Variants in GRIA2 observed in about 807,000 individuals in gnomAD.
GRIA2 encodes the protein glutamate ionotropic receptor AMPA type subunit 2.
Under a neutral mutation model 97.3 loss-of-function variants are expected in GRIA2, and 14 were observed. That is an observed-to-expected ratio of 0.14 (90% CI 0.10 to 0.23). GRIA2 has a LOEUF of 0.23. GRIA2 is among the 10% of genes least tolerant of loss of function. The pLI is 1.00. For synonymous variants in GRIA2, 412 were observed against 387.8 expected (o/e 1.06, Z -0.73); for missense variants, 558 against 1,069.8 (o/e 0.52, Z 6.67).
In GRIA2 at chr4:157,341,207, G is replaced by C. The variant is rs1735531702; in HGVS notation, c.1845-57G>C. 14 of 1,174,726 alleles carry C rather than the reference G, an allele frequency of 1.2e-5. No individual in the cohort carries two copies. In the South Asian group the frequency reaches 1.7e-4, roughly 14 times the overall value. The allele number at this position is 1,174,726 out of a possible 1,614,324, so 72.8% of individuals were successfully genotyped here. ...AATATTTGCATAATACTGCTAACTT[G>C]TTTTTTTATTAGGTCATTCATTTCA... On this transcript the variant is annotated intron_variant, in intron 11 of 15. Transcript: ENST00000264426.
chr4:157,273,314 T>C (rs1230609516), intron 2 of GRIA2, among the ~76,000 whole-genome samples: 1 of 152,018 alleles, frequency 6.6e-6, no homozygotes, highest in Non-Finnish European at 1.5e-5. Context: ...TGGTTCCTTT[T>C]ACCCAGTACA....
rs377507657 is a variant in GRIA2 at position 157,313,711 on chromosome 4, ATG to A, written c.666+855_666+856del. Among the ~76,000 whole-genome samples the A allele has an allele frequency of 3.6e-3, 534 of 149,600 alleles. 2 individuals carry two copies. Among genetic ancestry groups the A allele is most frequent in the Non-Finnish European group, 5.3e-3 (354 of 67,112 alleles). On this transcript the variant is annotated intron_variant, in intron 4 of 15. Transcript: ENST00000264426. The stretch of plus-strand genomic sequence containing the variant: ...TATCTGCATCTCTTCCTAGCTGAAA[ATG>A]TGTGTGTGTGTGTGTGTGAGTATGA...
At chr4:157,275,368 T>C (rs1199128177) in intron 2 of GRIA2, among the ~76,000 whole-genome samples, 2 of 152,198 alleles carry the variant, frequency 1.3e-5, no homozygotes, top group East Asian at 3.9e-4. Context: ...AGCTCTTTAG[T>C]TTAATTAGAT....
intron 2 of GRIA2, among the ~76,000 whole-genome samples, chr4:157,252,782 C>A (rs1223883179): frequency 2.0e-5 from 3 of 151,880 alleles, no homozygotes; most frequent in Non-Finnish European, 4.4e-5. Context: ...TTATAGATAA[C>A]CCTTAAGACA....
intron 10 of GRIA2, 46 bp downstream of exon 10, chr4:157,335,923 T>C: frequency 8.1e-7 from 1 of 1,240,442 alleles, no homozygotes; most frequent in Non-Finnish European, 1.2e-6. Flanking sequence ...ATTTGAATTG[T>C]TGTTGACAGA....
At chr4:157,224,948 A>G (rs1729676138) in intron 2 of GRIA2, among the ~76,000 whole-genome samples, 1 of 152,158 alleles carries the variant, frequency 6.6e-6, no homozygotes, top group Non-Finnish European at 1.5e-5. Context: ...TGCTCTTCCA[A>G]TCATAAAAAT....
At chr4:157,238,780 T>G (rs2126710859) in intron 2 of GRIA2, among the ~76,000 whole-genome samples, 1 of 152,234 alleles carries the variant, frequency 6.6e-6, no homozygotes, top group South Asian at 2.1e-4. Flanking sequence ...TGATATATGC[T>G]AAGGAAATCC....
intron 11 of GRIA2, among the ~76,000 whole-genome samples, chr4:157,338,945 A>G (rs776028940): frequency 6.6e-6 from 1 of 151,998 alleles, no homozygotes; most frequent in Non-Finnish European, 1.5e-5. Flanking sequence ...CACTTTAGAA[A>G]TGTCTTTAAA....
intron 6 of GRIA2, among the ~76,000 whole-genome samples, chr4:157,325,037 C>T (rs148314996): frequency 8.3e-4 from 127 of 152,146 alleles, no homozygotes; most frequent in African/African-American, 2.8e-3. Flanking sequence ...GTGCTATTGG[C>T]ATAAAAATCT....
intron 2 of GRIA2, among the ~76,000 whole-genome samples, 182 bp from the exon 3 acceptor site, chr4:157,303,370 A>G (rs1269139057): frequency 6.6e-6 from 1 of 152,188 alleles, no homozygotes; most frequent in Non-Finnish European, 1.5e-5. Flanking sequence ...AATCTTTTAG[A>G]TCCCACAAAT....
At position 157,278,981 on chromosome 4, in the gene GRIA2, A is replaced by G. The variant is rs540098195; in HGVS notation, c.230-24571A>G. On this transcript the variant is annotated intron_variant, in intron 2 of 15. Coordinates refer to ENST00000264426, the MANE Select transcript of GRIA2 (RefSeq NM_001083619.3). ...CAAATGCTGGTGAGGATATGATGCA[A>G]TAGAAACTCCCATTTATTGTTGGTG... is the stretch of plus-strand genomic sequence containing the variant. Among the ~76,000 whole-genome samples the G allele has an allele frequency of 2.6e-5, 4 of 152,232 alleles. 1 individual carries two copies. Among genetic ancestry groups the G allele is most frequent in the African/African-American group, 9.6e-5 (4 of 41,582 alleles).
intron 5 of GRIA2, 41 bp from the exon 6 acceptor site, chr4:157,321,397 T>A: frequency 6.9e-7 from 1 of 1,447,376 alleles, no homozygotes; most frequent in Non-Finnish European, 9.5e-7. Context: ...AGCATTTTGT[T>A]CTCAAACAAA....
rs1300845497 is a variant in GRIA2 at position 157,329,131 on chromosome 4, T to C, written c.883-3688T>C. 2.0e-5 allele frequency among the ~76,000 whole-genome samples: 3 copies of C among 151,970 alleles called. No individual in the cohort carries two copies. In the East Asian group the frequency reaches 5.8e-4, roughly 29 times the overall value. On this transcript the variant is annotated intron_variant, in intron 6 of 15. Coordinates refer to ENST00000264426, the MANE Select transcript of GRIA2 (RefSeq NM_001083619.3). Reference sequence around the variant, plus strand: ...AATTTTAAGTTTATAATACATTTCCTCATACTGTTCATTTGTCTTATGGCC... The same window carrying C: ...AATTTTAAGTTTATAATACATTTCCCCATACTGTTCATTTGTCTTATGGCC...
chr4:157,273,143 T>C (rs1485714014), intron 2 of GRIA2, among the ~76,000 whole-genome samples: 6 of 152,122 alleles, frequency 3.9e-5, no homozygotes, highest in Non-Finnish European at 7.4e-5. Context: ...TTATTATAAG[T>C]AACCTAGAGA....
chr4:157,247,943 T>G (rs1730804550), intron 2 of GRIA2, among the ~76,000 whole-genome samples: 2 of 152,082 alleles, frequency 1.3e-5, no homozygotes, highest in Admixed American at 6.6e-5. Context: ...TTGCTCTTAT[T>G]ATCCTCACTG....
chr4:157,333,946 A>G (rs1037761891), intron 8 of GRIA2, 64 bp from the exon 9 acceptor site: 2 of 790,356 alleles, frequency 2.5e-6, no homozygotes, highest in Non-Finnish European at 4.5e-6. Flanking sequence ...TTTGAAAATA[A>G]TTAAATGCTT....
Position 157,268,776 on chromosome 4 carries a change from G to A in GRIA2, c.230-34776G>A, listed in dbSNP as rs187211710. On this transcript the variant is annotated intron_variant, in intron 2 of 15. Transcript: ENST00000264426. ...TTATTCAACTTTAAATTCAGGGAATGCTTTTTTTCTTAGGATATAAGTTAT... is the reference window on the plus strand; with the variant it reads ...TTATTCAACTTTAAATTCAGGGAATACTTTTTTTCTTAGGATATAAGTTAT... Among the ~76,000 whole-genome samples, 42 of 151,832 alleles carry A rather than the reference G, an allele frequency of 2.8e-4. 1 individual carries two copies. The East Asian group carries it at 7.0e-3, about 25-fold the overall frequency.
chr4:157,282,714 G>T (rs1159287203), intron 2 of GRIA2, among the ~76,000 whole-genome samples: 4 of 152,034 alleles, frequency 2.6e-5, no homozygotes, highest in Non-Finnish European at 1.5e-5. Flanking sequence ...TATTGTTAAA[G>T]ATTTATGAAA....
rs555738967 is a variant in GRIA2, at chr4:157,283,701, T to C, written c.230-19851T>C. Among the ~76,000 whole-genome samples, 29 of 152,068 alleles carry C rather than the reference T, an allele frequency of 1.9e-4. No homozygotes were observed. In the South Asian group the frequency reaches 2.5e-3, roughly 13 times the overall value. On this transcript the variant is annotated intron_variant, in intron 2 of 15. Coordinates refer to ENST00000264426, the MANE Select transcript of GRIA2 (RefSeq NM_001083619.3). Reference sequence around the variant, plus strand: ...TTCTGTAATCTAATTTTCCTTTGTGTTTTTCACTTTTAACCTGTGATTTTG... The same window carrying C: ...TTCTGTAATCTAATTTTCCTTTGTGCTTTTCACTTTTAACCTGTGATTTTG...
Sources: gnomAD v4.1 joint callset for allele counts (sites outside exome capture counted in the v4.1 genomes callset) on GRCh38, gnomAD v4.1.1 for gene constraint, MANE v1.5 for transcripts, NCBI Gene and HGNC (gene_info 2026-07-23, HGNC 2026-07-21) for gene names.